The following ZMYND8 variants were observed in gnomAD, a reference collection of about 807,000 sequenced individuals.
ZMYND8 encodes MYND-type zinc finger-containing chromatin reader ZMYND8.
A neutral mutation model predicts 140.8 loss-of-function variants in ZMYND8; 37 were observed. The ratio of observed to expected loss-of-function variants is 0.26; its 90% CI spans 0.20 to 0.35. The LOEUF (loss-of-function observed/expected upper bound fraction) is 0.35. Among genes scored for constraint, ZMYND8 ranks in the 10% least tolerant of loss-of-function variants. The probability of loss-of-function intolerance (pLI) is 1.00; values close to 1 mark genes in which losing one functional copy is unlikely to be tolerated. For synonymous variants in ZMYND8, 592 were observed against 597.1 expected (o/e 0.99, Z 0.12); for missense variants, 1,068 against 1,570.0 (o/e 0.68, Z 5.40).
At chr20:47,297,586 T>C (rs2077723819) in intron 4 of ZMYND8, among the ~76,000 whole-genome samples, 1 of 152,098 alleles carries the variant, frequency 6.6e-6, no homozygotes, top group South Asian at 2.1e-4. Flanking sequence ...CATGCCCAGC[T>C]AATTTCTTTA....
chr20:47,260,610 A>G (rs766271980), intron 12 of ZMYND8, among the ~76,000 whole-genome samples: 2 of 152,158 alleles, frequency 1.3e-5, no homozygotes, highest in African/African-American at 2.4e-5. Flanking sequence ...TCGCCTCTCA[A>G]AGAGGCCCCG....
At chr20:47,294,809 C>T (rs139338728) in intron 4 of ZMYND8, 30 bp from the exon 5 acceptor site, 27 of 1,597,332 alleles carry the variant, frequency 1.7e-5, no homozygotes, top group Admixed American at 1.4e-4. Flanking sequence ...CATAAACGTC[C>T]GGTTAGAAAA....
chr20:47,210,829 G>C lies in ZMYND8; in HGVS notation c.3637C>G (p.His1213Asp). 6.2e-7 allele frequency: 1 copy of C among 1,614,106 alleles called. No individual in the cohort carries two copies. Among genetic ancestry groups the C allele is most frequent in the Non-Finnish European group, 8.5e-7 (1 of 1,180,034 alleles). Reference sequence around the variant, plus strand: ...CTCTTCGTGCTGGTACTGGTGTTGTGATCGGAACGTGTCGATCCCCTCTTC... The same window carrying C: ...CTCTTCGTGCTGGTACTGGTGTTGTCATCGGAACGTGTCGATCCCCTCTTC... ...DEKRGSTRSD[H>D]NTSTSTKSLL... is the part of the protein sequence containing the mutation. Residue 1213 changes from histidine (H) to aspartate (D), a missense_variant, in exon 23 of 23, where the codon CAC becomes GAC. Around this residue, in one of 10 missense-constraint regions of ZMYND8, gnomAD observed 180 missense variants for 187.8 expected, o/e 0.96. Transcript: ENST00000471951.
intron 2 of ZMYND8, among the ~76,000 whole-genome samples, chr20:47,343,442 G>C (rs2082073686): frequency 6.6e-6 from 1 of 152,118 alleles, no homozygotes; most frequent in South Asian, 2.1e-4. Flanking sequence ...CCATCCCAGA[G>C]TCCACACTGC....
At chr20:47,286,567 T>C (rs1347361511) in intron 8 of ZMYND8, among the ~76,000 whole-genome samples, 2 of 152,168 alleles carry the variant, frequency 1.3e-5, no homozygotes, top group Non-Finnish European at 2.9e-5. Flanking sequence ...CATGGATGGG[T>C]CCCAGTGCTA....
intron 12 of ZMYND8, among the ~76,000 whole-genome samples, chr20:47,255,408 T>C (rs1368967851): frequency 6.6e-6 from 1 of 151,280 alleles, no homozygotes; most frequent in East Asian, 1.9e-4. Context: ...TCTTTTTCCA[T>C]TTAAAAAAAG....
At chr20:47,279,086 G>A (rs1048460999) in intron 10 of ZMYND8, among the ~76,000 whole-genome samples, 1 of 152,040 alleles carries the variant, frequency 6.6e-6, no homozygotes, top group African/African-American at 2.4e-5. Context: ...ACACACTTCT[G>A]TCCGGTATCT....
chr20:47,236,403 A>T lies in ZMYND8; in HGVS notation c.2779T>A (p.Ser927Thr). 1 of 1,614,180 alleles carries T rather than the reference A, an allele frequency of 6.2e-7. No individual in the cohort carries two copies. The highest frequency in any genetic ancestry group is 8.5e-7 in the Non-Finnish European group (1 of 1,180,030). ...TSSGSMSTLV[S>T]SVNADLPIAT... ...ATGGGCAGGTCAGCGTTGACTGAGG[A>T]CACAAGGGTGCTCATGGACCCCGAG... The change falls in exon 16 of 23, where the codon TCC (serine) becomes ACC (threonine). Residue 927 changes from serine (S) to threonine (T), a missense_variant. Physicochemically the swap from Ser to Thr is moderately conservative, Grantham distance 58 (BLOSUM62 1). Transcript: ENST00000471951.
intron 2 of ZMYND8, among the ~76,000 whole-genome samples, chr20:47,312,356 C>CCTCA (rs1195900694): frequency 1.3e-5 from 2 of 152,206 alleles, no homozygotes; most frequent in African/African-American, 4.8e-5. Flanking sequence ...AACTCTCCAG[C>CCTCA]CTCACCATGC....
chr20:47,306,642 C>T (rs1006713813), intron 3 of ZMYND8, among the ~76,000 whole-genome samples: 4 of 150,136 alleles, frequency 2.7e-5, no homozygotes, highest in Admixed American at 6.7e-5. Flanking sequence ...ACGATCTCAG[C>T]TCACTGCAAC....
intron 2 of ZMYND8, among the ~76,000 whole-genome samples, chr20:47,334,893 A>G (rs1258420606): frequency 6.6e-6 from 1 of 151,344 alleles, no homozygotes; most frequent in African/African-American, 2.4e-5. Context: ...TACAGGCGTC[A>G]GCCACCACAC....
chr20:47,294,621 C>CA, intron 5 of ZMYND8, 45 bp downstream of exon 5: 1 of 1,561,986 alleles, frequency 6.4e-7, no homozygotes, highest in Non-Finnish European at 8.8e-7. Context: ...AAACATATGT[C>CA]ATTACGTTCA....
chr20:47,261,580 C>T (rs1001964759), intron 12 of ZMYND8, among the ~76,000 whole-genome samples: 1 of 151,296 alleles, frequency 6.6e-6, no homozygotes, highest in Non-Finnish European at 1.5e-5. Context: ...TCATCATCAT[C>T]ATCATCATCA....
chr20:47,317,189 G>A (rs1313465562), intron 2 of ZMYND8, among the ~76,000 whole-genome samples: 3 of 152,218 alleles, frequency 2.0e-5, no homozygotes, highest in Non-Finnish European at 4.4e-5. Context: ...AACAGTTTCA[G>A]GAACTGGGAA....
At chr20:47,272,055 AAG>A (rs1491520965) in intron 11 of ZMYND8, among the ~76,000 whole-genome samples, 5 of 97,282 alleles carry the variant, frequency 5.1e-5, no homozygotes, top group African/African-American at 3.0e-4. Context: ...ATTATAAAAA[AAG>A]GGGGGGGGGA....
chr20:47,348,054 G>A lies in ZMYND8; in HGVS notation c.15-128C>T, dbSNP rs754347350. On this transcript the variant is annotated intron_variant, in intron 1 of 22. Transcript: ENST00000471951. ...CCCTCATCCTTATCCAGGGCTGGGG[G>A]AGGAAACCCACACCTGATTTCAACA... is the stretch of plus-strand genomic sequence containing the variant. 2.0e-5 allele frequency: 18 copies of A among 882,930 alleles called. No homozygotes were observed. The African/African-American group carries it at 2.6e-4, about 13-fold the overall frequency. 54.7% of individuals were successfully genotyped at this position (882,930 alleles called of 1,614,324 possible). A position where few individuals can be genotyped will look rare whatever the true frequency, so the allele number is the denominator to read the frequency against.
At chr20:47,344,753 C>A (rs978805355) in intron 2 of ZMYND8, among the ~76,000 whole-genome samples, 1 of 152,152 alleles carries the variant, frequency 6.6e-6, no homozygotes, top group Non-Finnish European at 1.5e-5. Context: ...GAACTCTTGG[C>A]ACTATCCTCA....
At position 47,236,466 on chromosome 20, in the gene ZMYND8, G is replaced by C. The variant is rs879180580; in HGVS notation, c.2716C>G (p.Leu906Val). The change falls in exon 16 of 23, where the codon CTG (leucine) becomes GTG (valine). Residue 906 changes from leucine (L) to valine (V), a missense_variant. Physicochemically the swap from Leu to Val is conservative, Grantham distance 32. Around this residue, in one of 10 missense-constraint regions of ZMYND8, gnomAD observed 383 missense variants for 431.2 expected, o/e 0.89. Coordinates refer to ENST00000471951, the MANE Select transcript of ZMYND8 (RefSeq NM_001281775.3). ...GGCGATGACTGTGTGCTGGTCACCAGGGTGATGGTGGACGTGGATGGGCTC... is the reference window on the plus strand; with the variant it reads ...GGCGATGACTGTGTGCTGGTCACCACGGTGATGGTGGACGTGGATGGGCTC... Reference protein sequence around the residue: ...TQSPSTSTITLVTSTQSSPLV... With the variant: ...TQSPSTSTITVVTSTQSSPLV... 3.1e-6 allele frequency: 5 copies of C among 1,610,136 alleles called. No individual in the cohort carries two copies. The South Asian group carries it at 5.5e-5, about 18-fold the overall frequency.
At chr20:47,273,357 C>T (rs1174649984) in intron 11 of ZMYND8, among the ~76,000 whole-genome samples, 1 of 152,004 alleles carries the variant, frequency 6.6e-6, no homozygotes, top group Non-Finnish European at 1.5e-5. Context: ...ACCAGCCTGG[C>T]CAACATGGTG....
Sources: allele counts gnomAD v4.1 joint callset (sites outside exome capture counted in the v4.1 genomes callset), GRCh38; gene constraint gnomAD v4.1.1; regional missense constraint gnomAD v4.1.1; transcripts MANE v1.5; gene names NCBI Gene and HGNC (gene_info 2026-07-23, HGNC 2026-07-21).